VTI1A: variants seen among roughly 807,000 people sequenced by gnomAD.
VTI1A encodes the protein vesicle transport through interaction with t-SNAREs homolog 1A.
Under a neutral mutation model 34.9 loss-of-function variants are expected in VTI1A, and 22 were observed. The observed-to-expected ratio is 0.63, with a 90% CI of 0.45 to 0.90. The LOEUF is 0.90. Among genes scored for constraint, VTI1A ranks in the 40% least tolerant of loss-of-function variants. The pLI is 0.00. For missense variants in VTI1A, 268 were observed against 275.6 expected (o/e 0.97, Z 0.20); for synonymous variants, 87 against 97.3 (o/e 0.89, Z 0.62).
At chr10:112,624,066 A>G (rs1224557887) in intron 5 of VTI1A, among the ~76,000 whole-genome samples, 1 of 152,206 alleles carries the variant, frequency 6.6e-6, no homozygotes, top group Admixed American at 6.5e-5. Context: ...CGTCTAAGAT[A>G]TGAACTTAGG....
At chr10:112,657,162 G>T (rs1315155382) in intron 5 of VTI1A, among the ~76,000 whole-genome samples, 2 of 152,152 alleles carry the variant, frequency 1.3e-5, no homozygotes, top group African/African-American at 4.8e-5. Context: ...TACTTTATAG[G>T]AATGTGAGAA....
chr10:112,783,791 C>A (rs113565968), intron 7 of VTI1A, among the ~76,000 whole-genome samples: 1 of 152,348 alleles, frequency 6.6e-6, no homozygotes, highest in Middle Eastern at 3.4e-3. Context: ...CAAAGGCCTG[C>A]AGGGCCTGGG....
At chr10:112,678,946 C>T (rs1209328265) in intron 7 of VTI1A, among the ~76,000 whole-genome samples, 1 of 151,832 alleles carries the variant, frequency 6.6e-6, no homozygotes, top group East Asian at 1.9e-4. Flanking sequence ...ATTCTGAGGG[C>T]ATCTCTGGAA....
chr10:112,601,500 G>C (rs902232647), intron 5 of VTI1A, among the ~76,000 whole-genome samples: 1 of 149,242 alleles, frequency 6.7e-6, no homozygotes, highest in African/African-American at 2.5e-5. Flanking sequence ...AATTAATTTG[G>C]TGCCAACCAG....
At chr10:112,688,747 TA>T (rs1848518058) in intron 7 of VTI1A, among the ~76,000 whole-genome samples, 1 of 151,764 alleles carries the variant, frequency 6.6e-6, no homozygotes, top group South Asian at 2.1e-4. Flanking sequence ...TCATGTTGGC[TA>T]GGCTGGTCTC....
intron 7 of VTI1A, among the ~76,000 whole-genome samples, chr10:112,702,471 G>A (rs560748475): frequency 6.6e-6 from 1 of 152,336 alleles, no homozygotes; most frequent in Admixed American, 6.5e-5. Flanking sequence ...CCAGGCTGGA[G>A]TGCAGTGGCA....
chr10:112,814,537 C>T (rs1853439354), intron 7 of VTI1A, among the ~76,000 whole-genome samples: 1 of 152,170 alleles, frequency 6.6e-6, no homozygotes, highest in African/African-American at 2.4e-5. Flanking sequence ...GCGTGTGTCT[C>T]CACTCTGGTC....
At chr10:112,784,110 C>T (rs1196127699) in intron 7 of VTI1A, among the ~76,000 whole-genome samples, 5 of 152,172 alleles carry the variant, frequency 3.3e-5, no homozygotes, top group Non-Finnish European at 2.9e-5. Context: ...TTTCTCTTCT[C>T]GTGTTTTTTT....
intron 4 of VTI1A, among the ~76,000 whole-genome samples, chr10:112,535,567 GC>G (rs1850588402): frequency 6.6e-6 from 1 of 152,156 alleles, no homozygotes; most frequent in Admixed American, 6.5e-5. Context: ...GGGTTGTAGT[GC>G]ATAGGGAGCT....
intron 7 of VTI1A, among the ~76,000 whole-genome samples, chr10:112,783,796 C>T (rs2134042825): frequency 6.6e-6 from 1 of 152,340 alleles, no homozygotes; most frequent in South Asian, 2.1e-4. Context: ...GCCTGCAGGG[C>T]CTGGGTGCTG....
In VTI1A at chr10:112,815,488, C is replaced by G. The variant is rs573033065; in HGVS notation, c.*105C>G. The G allele has an allele frequency of 1.1e-6, 1 of 921,486 alleles. No individual in the cohort carries two copies. The highest frequency in any genetic ancestry group is 2.5e-5 in the East Asian group (1 of 40,220). 57.1% of individuals were successfully genotyped at this position (921,486 alleles called of 1,614,324 possible). A position where few individuals can be genotyped will look rare whatever the true frequency, so the allele number is the denominator to read the frequency against. ...GTTGCGCTGACAGGCCCCAGGTGAC[C>G]CTCTCTCTCCCTCACCGCCGTTGGG... On this transcript the variant is annotated 3_prime_UTR_variant, in exon 8 of 8. Coordinates refer to ENST00000393077, the MANE Select transcript of VTI1A (RefSeq NM_145206.4).
intron 7 of VTI1A, among the ~76,000 whole-genome samples, chr10:112,755,689 T>A (rs570985553): frequency 1.4e-3 from 218 of 152,328 alleles, no homozygotes; most frequent in Non-Finnish European, 2.6e-3. Context: ...ACTGACCAGA[T>A]AACATTAATG....
rs191985533 is a variant in VTI1A, at chr10:112,590,818, T to C, written c.427+52488T>C. On this transcript the variant is annotated intron_variant, in intron 5 of 7. Transcript: ENST00000393077. ...ATAACCACAACTCAAGAAAGAAATA[T>C]GGCCAGGCATGGTGGCTCACATCTG... 1.1e-4 allele frequency among the ~76,000 whole-genome samples: 16 copies of C among 152,260 alleles called. No individual in the cohort carries two copies. The East Asian group carries it at 1.4e-3, about 13-fold the overall frequency.
intron 7 of VTI1A, among the ~76,000 whole-genome samples, chr10:112,686,201 A>G (rs769319116): frequency 1.3e-5 from 2 of 152,182 alleles, no homozygotes; most frequent in African/African-American, 4.8e-5. Context: ...CTTTCTATCT[A>G]GTAGAAGACT....
At position 112,447,397 on chromosome 10, in the gene VTI1A, C is replaced by G; in HGVS notation, c.24C>G (p.Tyr8Ter). ...CCATGTCGTCCGACTTCGAAGGTTA[C>G]GAGCAGGACTTCGCGGTGCTCACTG... MSSDFEGYEQDFAVLTAE... is the reference protein window; with the variant it reads MSSDFEG The change falls in exon 1 of 8, where the codon TAC becomes TAG. Residue 8 changes from tyrosine (Y) to a stop codon, truncating the protein, a stop_gained. Transcript: ENST00000393077. LOFTEE classifies it high-confidence loss of function. 6.2e-7 allele frequency: 1 copy of G among 1,613,674 alleles called. No individual in the cohort carries two copies. The highest frequency in any genetic ancestry group is 8.5e-7 in the Non-Finnish European group (1 of 1,179,974).
At chr10:112,518,962 A>T (rs1849911043) in intron 3 of VTI1A, among the ~76,000 whole-genome samples, 1 of 152,026 alleles carries the variant, frequency 6.6e-6, no homozygotes, top group Non-Finnish European at 1.5e-5. Flanking sequence ...AAATGTTTTC[A>T]TAGAAAATTT....
chr10:112,532,481 T>A (rs1850481985), intron 4 of VTI1A, among the ~76,000 whole-genome samples: 2 of 152,182 alleles, frequency 1.3e-5, no homozygotes, highest in South Asian at 4.1e-4. Context: ...ACTGTGGTCG[T>A]CATCTCACTT....
intron 4 of VTI1A, among the ~76,000 whole-genome samples, chr10:112,535,271 T>A (rs546980717): frequency 1.3e-5 from 2 of 152,266 alleles, no homozygotes; most frequent in East Asian, 3.9e-4. Flanking sequence ...CTTTTAACAG[T>A]CTTTGATATA....
At chr10:112,582,660 G>A (rs1843994662) in intron 5 of VTI1A, among the ~76,000 whole-genome samples, 1 of 152,126 alleles carries the variant, frequency 6.6e-6, no homozygotes, top group African/African-American at 2.4e-5. Flanking sequence ...TGTTAAATTT[G>A]TTATGACCTA....
Sources: gnomAD v4.1 joint callset for allele counts (sites outside exome capture counted in the v4.1 genomes callset) on GRCh38, gnomAD v4.1.1 for gene constraint, MANE v1.5 for transcripts, NCBI Gene and HGNC (gene_info 2026-07-23, HGNC 2026-07-21) for gene names.